MAGI2: variants seen among roughly 807,000 people sequenced by gnomAD.
MAGI2 encodes the protein membrane associated guanylate kinase, WW and PDZ domain containing 2.
MAGI2 carries 35 observed loss-of-function variants against 133.3 expected under a neutral mutation model. The observed-to-expected ratio is 0.26, with a 90% confidence interval of 0.20 to 0.35. The LOEUF (loss-of-function observed/expected upper bound fraction) is 0.35. Ranked by LOEUF, MAGI2 falls within the 10% of genes least tolerant of loss-of-function variation. The probability of loss-of-function intolerance (pLI) is 1.00; values close to 1 mark genes in which losing one functional copy is unlikely to be tolerated. For synonymous variants in MAGI2, 729 were observed against 710.6 expected (o/e 1.03, Z -0.41); for missense variants, 1,636 against 1,863.4 (o/e 0.88, Z 2.25).
intron 6 of MAGI2, among the ~76,000 whole-genome samples, chr7:78,453,351 A>G (rs564016303): frequency 6.6e-6 from 1 of 152,338 alleles, no homozygotes; most frequent in African/African-American, 2.4e-5. Flanking sequence ...GGATAAAAGG[A>G]GAGAAAGCAA....
intron 20 of MAGI2, among the ~76,000 whole-genome samples, chr7:78,100,065 C>T (rs984403040): frequency 6.6e-6 from 1 of 152,192 alleles, no homozygotes; most frequent in Non-Finnish European, 1.5e-5. Flanking sequence ...AATTCACCTT[C>T]ATGTGGGAGC....
chr7:79,275,661 A>G (rs926695208), intron 1 of MAGI2, among the ~76,000 whole-genome samples: 1 of 152,176 alleles, frequency 6.6e-6, no homozygotes, highest in South Asian at 2.1e-4. Flanking sequence ...TTTCACAGCT[A>G]GGAAGAAGTC....
intron 1 of MAGI2, among the ~76,000 whole-genome samples, chr7:79,136,008 A>AGAAAGAAAGAAG (rs1821422814): frequency 2.5e-5 from 3 of 121,318 alleles, no homozygotes; most frequent in Admixed American, 8.1e-5. Context: ...AGAAAGAGAA[A>AGAAAGAAAGAAG]GAAAGAAAGA....
chr7:78,970,052 C>T (rs2115957975), intron 2 of MAGI2, among the ~76,000 whole-genome samples: 1 of 152,162 alleles, frequency 6.6e-6, no homozygotes, highest in Middle Eastern at 3.4e-3. Flanking sequence ...AGTCCACATT[C>T]CATCTAATAT....
intron 1 of MAGI2, among the ~76,000 whole-genome samples, chr7:79,363,344 G>C (rs191299478): frequency 7.3e-6 from 1 of 137,576 alleles, no homozygotes; most frequent in African/African-American, 2.7e-5. Context: ...ATCATTCTTT[G>C]ATTTAAAGAG....
chr7:78,314,121 A>G (rs192983378), intron 9 of MAGI2, among the ~76,000 whole-genome samples: 1 of 152,318 alleles, frequency 6.6e-6, no homozygotes, highest in East Asian at 1.9e-4. Context: ...GATTGATTTT[A>G]TAAGTGCCTA....
At chr7:78,169,711 A>G (rs1292653854) in intron 14 of MAGI2, among the ~76,000 whole-genome samples, 2 of 152,200 alleles carry the variant, frequency 1.3e-5, no homozygotes, top group Admixed American at 6.5e-5. Context: ...TGTGTGGAAT[A>G]TTAAGTGTTC....
intron 9 of MAGI2, among the ~76,000 whole-genome samples, chr7:78,289,039 C>T (rs993324663): frequency 2.3e-4 from 35 of 152,242 alleles, no homozygotes; most frequent in East Asian, 1.5e-3. Flanking sequence ...AGAATCAGAG[C>T]GCCTCTTTTC....
intron 2 of MAGI2, among the ~76,000 whole-genome samples, chr7:78,759,739 A>T (rs979998056): frequency 2.6e-5 from 4 of 152,210 alleles, no homozygotes; most frequent in Non-Finnish European, 4.4e-5. Context: ...ATAGTTGAGT[A>T]TCTTAATGTG....
At chr7:78,843,386 T>C (rs1195803956) in intron 2 of MAGI2, among the ~76,000 whole-genome samples, 1 of 151,986 alleles carries the variant, frequency 6.6e-6, no homozygotes, top group Non-Finnish European at 1.5e-5. Flanking sequence ...ATTCTTTTTT[T>C]GAAAATGACT....
chr7:78,079,540 T>A (rs1042850959), intron 20 of MAGI2, among the ~76,000 whole-genome samples: 6 of 152,236 alleles, frequency 3.9e-5, no homozygotes, highest in Non-Finnish European at 8.8e-5. Flanking sequence ...TATTGGTTTT[T>A]GTGCTTCTCT....
intron 21 of MAGI2, chr7:78,078,585 A>C (rs559607118): frequency 2.8e-6 from 1 of 354,692 alleles, no homozygotes; most frequent in East Asian, 4.8e-5. Flanking sequence ...TAATTGATAA[A>C]TTACTGTGTA....
intron 1 of MAGI2, among the ~76,000 whole-genome samples, chr7:79,265,272 A>T (rs557023589): frequency 6.6e-6 from 1 of 152,148 alleles, no homozygotes; most frequent in Non-Finnish European, 1.5e-5. Context: ...TGAGTCCAAC[A>T]ATCAGTTTTA....
intron 9 of MAGI2, among the ~76,000 whole-genome samples, chr7:78,320,943 A>G (rs1007815058): frequency 4.6e-5 from 7 of 152,212 alleles, no homozygotes; most frequent in Non-Finnish European, 8.8e-5. Flanking sequence ...TACAAAATCA[A>G]TGTGCAAAAA....
intron 2 of MAGI2, among the ~76,000 whole-genome samples, chr7:78,846,442 G>A (rs1354578420): frequency 1.3e-5 from 2 of 151,842 alleles, no homozygotes; most frequent in South Asian, 2.1e-4. Flanking sequence ...CTGTCTTCAC[G>A]CTCAGAGTTG....
At chr7:79,297,969 AG>A in intron 1 of MAGI2, among the ~76,000 whole-genome samples, 1 of 152,354 alleles carries the variant, frequency 6.6e-6, no homozygotes, top group South Asian at 2.1e-4. Context: ...CTGTTAGAAA[AG>A]CTGCTGATAC....
chr7:79,117,033 G>A (rs946673525), intron 1 of MAGI2, among the ~76,000 whole-genome samples: 1 of 152,148 alleles, frequency 6.6e-6, no homozygotes, highest in Non-Finnish European at 1.5e-5. Context: ...TGACTGTCTT[G>A]CAGTAAGAAA....
chr7:78,711,243 C>T lies in MAGI2; in HGVS notation c.419-84004G>A, dbSNP rs995347423. 1.8e-4 allele frequency among the ~76,000 whole-genome samples: 28 copies of T among 152,002 alleles called. 1 individual carries two copies. Among genetic ancestry groups the T allele is most frequent in the Non-Finnish European group, 1.5e-5 (1 of 67,992 alleles). ...GGACTGTGCTGGCATCAGCATGAGC[C>T]CCCTACTAGGTCTCAGACTAAAGAG... On this transcript the variant is annotated intron_variant, in intron 2 of 21. Coordinates refer to ENST00000354212, the MANE Select transcript of MAGI2 (RefSeq NM_012301.4).
At chr7:78,059,849 A>G (rs3823801) in intron 21 of MAGI2, among the ~76,000 whole-genome samples, 4,525 of 151,580 alleles carry the variant, frequency 0.03, 105 homozygotes, top group South Asian at 0.097. Flanking sequence ...TAAACTTGGT[A>G]GAGACCCAGG....
Sources: gnomAD v4.1 joint callset for allele counts (sites outside exome capture counted in the v4.1 genomes callset) on GRCh38, gnomAD v4.1.1 for gene constraint, MANE v1.5 for transcripts, NCBI Gene and HGNC (gene_info 2026-07-23, HGNC 2026-07-21) for gene names.